NARF: variants seen among roughly 807,000 people sequenced by gnomAD.
The protein encoded by NARF is iron-only hydrogenase-like protein 2.
A neutral mutation model predicts 48.0 loss-of-function variants in NARF; 41 were observed. That is an observed-to-expected ratio of 0.85 (90% CI 0.66 to 1.11). NARF has a LOEUF of 1.11. Among genes scored for constraint, NARF ranks in the 50% least tolerant of loss-of-function variants. The probability of loss-of-function intolerance (pLI) is 0.00; values close to 1 mark genes in which losing one functional copy is unlikely to be tolerated. For missense variants in NARF, 613 were observed against 590.2 expected (o/e 1.04, Z -0.40); for synonymous variants, 215 against 225.5 (o/e 0.95, Z 0.42).
rs1297269727 is a variant in NARF at position 82,458,750 on chromosome 17, T to A, written c.-54T>A. 1 of 1,473,734 alleles carries A rather than the reference T, an allele frequency of 6.8e-7. No homozygotes were observed. Among genetic ancestry groups the A allele is most frequent in the African/African-American group, 1.5e-5 (1 of 68,182 alleles). 91.3% of individuals were successfully genotyped at this position (1,473,734 alleles called of 1,614,324 possible). ...GGCGGCGGGCAGTGGTGTCCCAGTC[T>A]CCCGGTGCTTCCCTGAGGCTGAGGC... is the stretch of plus-strand genomic sequence containing the variant. On this transcript the variant is annotated 5_prime_UTR_variant, in exon 1 of 11. Coordinates refer to ENST00000309794, the MANE Select transcript of NARF (RefSeq NM_012336.4).
chr17:82,486,461 G>T (rs532881492), intron 10 of NARF, among the ~76,000 whole-genome samples: 1 of 152,294 alleles, frequency 6.6e-6, no homozygotes, highest in South Asian at 2.1e-4. Context: ...AGGGGCCCTT[G>T]GGCAGGGCAC....
intron 9 of NARF, 32 bp from the exon 10 acceptor site, chr17:82,485,465 A>C (rs1244616222): frequency 1.9e-6 from 3 of 1,608,956 alleles, no homozygotes; most frequent in Non-Finnish European, 2.5e-6. Context: ...AAAGGACTTG[A>C]TGGATCAAAA....
intron 10 of NARF, among the ~76,000 whole-genome samples, chr17:82,486,202 A>C (rs2044091728): frequency 6.6e-6 from 1 of 152,176 alleles, no homozygotes; most frequent in African/African-American, 2.4e-5. Flanking sequence ...GGATGAGAGG[A>C]GGCCAGGACA....
chr17:82,488,533 C>G lies in NARF; in HGVS notation c.*376C>G. Reference sequence around the variant, plus strand: ...TGGGACTAACGCGCACACCACCATGCCCAGCTAATTTTTGTATTTTTAGTA... The same window carrying G: ...TGGGACTAACGCGCACACCACCATGGCCAGCTAATTTTTGTATTTTTAGTA... On this transcript the variant is annotated 3_prime_UTR_variant, in exon 11 of 11. Transcript: ENST00000309794. 1 of 183,718 alleles carries G rather than the reference C, an allele frequency of 5.4e-6. No homozygotes were observed. The highest frequency in any genetic ancestry group is 1.2e-5 in the Non-Finnish European group (1 of 85,546). The allele number at this position is 183,718 out of a possible 1,614,324, so 11.4% of individuals were successfully genotyped here. A position where few individuals can be genotyped will look rare whatever the true frequency, so the allele number is the denominator to read the frequency against.
chr17:82,462,966 TG>T (rs2043474074), intron 2 of NARF: 1 of 152,144 alleles, frequency 6.6e-6, no homozygotes, highest in East Asian at 1.9e-4. Context: ...TTTGACCCAC[TG>T]GGAACTTGTT....
At position 82,474,224 on chromosome 17, in the gene NARF, T is replaced by A. The variant is rs114710330; in HGVS notation, c.520+1526T>A. Reference sequence around the variant, plus strand: ...TCTTGAAAGTACAACATATCTCAGATGTACAAATAATTATGGAATAATATG... The same window carrying A: ...TCTTGAAAGTACAACATATCTCAGAAGTACAAATAATTATGGAATAATATG... On this transcript the variant is annotated intron_variant, in intron 5 of 10. Coordinates refer to ENST00000309794, the MANE Select transcript of NARF (RefSeq NM_012336.4). 6.1e-3 allele frequency among the ~76,000 whole-genome samples: 930 copies of A among 152,242 alleles called. 8 individuals carry two copies. The highest frequency in any genetic ancestry group is 0.021 in the African/African-American group (890 of 41,538).
chr17:82,484,064 G>A (rs760758433), intron 8 of NARF: 16 of 389,354 alleles, frequency 4.1e-5, no homozygotes, highest in Non-Finnish European at 6.2e-5. Context: ...CTTTGTCCTC[G>A]CTGGCGCAGG....
intron 7 of NARF, chr17:82,481,755 A>G: frequency 2.3e-6 from 1 of 433,044 alleles, no homozygotes; most frequent in African/African-American, 2.1e-5. Context: ...AAGATAAATC[A>G]GGTCCTGGGA....
chr17:82,481,472 T>C (rs1281413229), intron 7 of NARF, among the ~76,000 whole-genome samples: 9 of 152,212 alleles, frequency 5.9e-5, no homozygotes, highest in African/African-American at 2.2e-4. Flanking sequence ...GGCTCACGCC[T>C]GTAATCTAAG....
rs1392641274 is a variant in NARF at position 82,489,489 on chromosome 17, G to T, written c.*1332G>T. On this transcript the variant is annotated 3_prime_UTR_variant, in exon 11 of 11. Transcript: ENST00000309794. ...GGGGCCCCAGCTCATCATCAGCACT[G>T]TCGTGGGGTGGGAGTCGGGGGTAAA... The T allele has an allele frequency of 1.3e-5, 2 of 152,406 alleles. No individual in the cohort carries two copies. The highest frequency in any genetic ancestry group is 4.8e-5 in the African/African-American group (2 of 41,460). 9.4% of individuals were successfully genotyped at this position (152,406 alleles called of 1,614,324 possible). A position where few individuals can be genotyped will look rare whatever the true frequency, so the allele number is the denominator to read the frequency against.
chr17:82,480,287 G>GCACCCACACACA (rs5822530), intron 6 of NARF: 1 of 373,296 alleles, frequency 2.7e-6, no homozygotes, highest in African/African-American at 2.1e-5. Flanking sequence ...TAGCCAGCGC[G>GCACCCACACACA]CGCACACACA....
At chr17:82,465,896 C>T (rs911395625) in intron 3 of NARF, among the ~76,000 whole-genome samples, 2 of 152,200 alleles carry the variant, frequency 1.3e-5, no homozygotes, top group African/African-American at 2.4e-5. Context: ...AGACACATGT[C>T]CTCTGTGTTG....
chr17:82,483,790 TCTCTGGGGAGAGTC>T lies in NARF; in HGVS notation c.833+20_833+33del, dbSNP rs770430663. On this transcript the variant is annotated intron_variant, in intron 8 of 10. Transcript: ENST00000309794. ...TGCCGTCGACACTCTGTAAGTGGCT[TCTCTGGGGAGAGTC>T]CTCTGGGGGGCAGGACCTCTCGTCA... 7.4e-6 allele frequency: 12 copies of T among 1,612,898 alleles called. No individual in the cohort carries two copies. The Middle Eastern group carries it at 5.4e-4, about 73-fold the overall frequency.
At chr17:82,474,441 A>G (rs562272503) in intron 5 of NARF, among the ~76,000 whole-genome samples, 78 of 152,282 alleles carry the variant, frequency 5.1e-4, no homozygotes, top group African/African-American at 1.7e-3. Context: ...GGGTTAAGAA[A>G]TCTTCGATGA....
At chr17:82,476,612 T>A (rs1185007257) in intron 5 of NARF, 1 of 151,802 alleles carries the variant, frequency 6.6e-6, no homozygotes, top group Non-Finnish European at 1.5e-5. Context: ...CCTGGCTAAT[T>A]TTTGTATTTG....
intron 6 of NARF, chr17:82,480,271 G>C (rs974965555): frequency 1.0e-5 from 4 of 394,572 alleles, no homozygotes; most frequent in African/African-American, 4.2e-5. Context: ...AAGTCTGTGG[G>C]TGAAGTAGCC....
At chr17:82,478,535 G>C (rs1390362399) in intron 5 of NARF, 1 of 544,532 alleles carries the variant, frequency 1.8e-6, no homozygotes, top group Non-Finnish European at 3.5e-6. Flanking sequence ...TGGGGGACCT[G>C]TTACTCCGAC....
intron 7 of NARF, 25 bp from the exon 8 acceptor site, chr17:82,483,691 A>C: frequency 6.2e-7 from 1 of 1,612,466 alleles, no homozygotes; most frequent in Non-Finnish European, 8.5e-7. Context: ...GTGTCTTTTC[A>C]GTGTCTTACT....
At chr17:82,460,220 T>G in intron 2 of NARF, 148 bp downstream of exon 2, 1 of 610,532 alleles carries the variant, frequency 1.6e-6, no homozygotes, top group South Asian at 2.1e-5. Flanking sequence ...ATCCCAGCAC[T>G]TTGGGAGGCC....
Sources: allele counts gnomAD v4.1 joint callset (sites outside exome capture counted in the v4.1 genomes callset), GRCh38; gene constraint gnomAD v4.1.1; transcripts MANE v1.5; gene names NCBI Gene and HGNC (gene_info 2026-07-23, HGNC 2026-07-21).